Variants in CSN3 observed in about 807,000 individuals in gnomAD.
CSN3 encodes casein kappa, also known as kappa-casein.
CSN3 carries 7 observed loss-of-function variants against 9.9 expected under a neutral mutation model. The observed-to-expected ratio is 0.71, with a 90% CI of 0.40 to 1.33. The LOEUF is 1.33. CSN3 is among the 40% of genes most tolerant of loss of function. The probability of loss-of-function intolerance (pLI) is 0.01; values close to 1 mark genes in which losing one functional copy is unlikely to be tolerated. For synonymous variants in CSN3, 88 were observed against 82.3 expected (o/e 1.07, Z -0.37); for missense variants, 253 against 227.9 (o/e 1.11, Z -0.71).
upstream of CSN3, among the ~76,000 whole-genome samples, chr4:70,240,450 A>G (rs1268642585): frequency 6.6e-6 from 1 of 151,932 alleles, no homozygotes; most frequent in Non-Finnish European, 1.5e-5. Context: ...ATGGATGCAT[A>G]AGTAGATAAA....
At chr4:70,246,984 T>C (rs1730390655) in intron 2 of CSN3, among the ~76,000 whole-genome samples, 1 of 152,108 alleles carries the variant, frequency 6.6e-6, no homozygotes, top group African/African-American at 2.4e-5. Flanking sequence ...ATTACTTCTT[T>C]ACATTTTAAA....
chr4:70,246,140 C>G (rs1296007698), intron 2 of CSN3, among the ~76,000 whole-genome samples: 1 of 152,038 alleles, frequency 6.6e-6, no homozygotes, highest in African/African-American at 2.4e-5. Context: ...ATTAAAACAT[C>G]AATGTGATAC....
At chr4:70,250,259 G>C (rs1287442685) in intron 4 of CSN3, among the ~76,000 whole-genome samples, 1 of 151,890 alleles carries the variant, frequency 6.6e-6, no homozygotes, top group African/African-American at 2.4e-5. Context: ...AAATAATTTG[G>C]GGAGAAAGTT....
At chr4:70,240,247 G>A (rs1435835077), upstream of CSN3, among the ~76,000 whole-genome samples, 1 of 151,318 alleles carries the variant, frequency 6.6e-6, no homozygotes, top group Non-Finnish European at 1.5e-5. Context: ...AAATGTTTTT[G>A]TTTACAATGC....
intron 2 of CSN3, among the ~76,000 whole-genome samples, chr4:70,246,352 G>A (rs1318989305): frequency 9.9e-5 from 15 of 151,994 alleles, no homozygotes; most frequent in East Asian, 5.8e-4. Context: ...AGGTATTAAC[G>A]AAAATTATTA....
upstream of CSN3, among the ~76,000 whole-genome samples, chr4:70,239,079 A>G (rs1156855130): frequency 1.3e-5 from 2 of 151,880 alleles, no homozygotes; most frequent in Non-Finnish European, 2.9e-5. Context: ...CATTAACTAG[A>G]AAGATATTAA....
At chr4:70,240,480 G>T, upstream of CSN3, among the ~76,000 whole-genome samples, 1 of 151,962 alleles carries the variant, frequency 6.6e-6, no homozygotes, top group East Asian at 1.9e-4. Flanking sequence ...ATTCGTTCCA[G>T]GTTATAAACA....
At chr4:70,243,495 G>A (rs948498632) in intron 1 of CSN3, among the ~76,000 whole-genome samples, 4 of 152,152 alleles carry the variant, frequency 2.6e-5, no homozygotes, top group African/African-American at 9.6e-5. Flanking sequence ...CACTTTAGTA[G>A]ACAGCCTTCC....
intron 4 of CSN3, 111 bp from the exon 5 acceptor site, chr4:70,251,151 A>G (rs1258387250): frequency 6.6e-6 from 1 of 152,156 alleles, no homozygotes; most frequent in East Asian, 1.9e-4. Flanking sequence ...AATCTGATTG[A>G]CTTATTGGAT....
intron 3 of CSN3, 56 bp downstream of exon 3, chr4:70,247,906 A>G: frequency 2.2e-6 from 3 of 1,364,108 alleles, no homozygotes; most frequent in Non-Finnish European, 3.0e-6. Context: ...TATATTCTGC[A>G]AAGGTCAATT....
upstream of CSN3, among the ~76,000 whole-genome samples, chr4:70,239,384 C>T (rs1270273133): frequency 6.6e-6 from 1 of 151,770 alleles, no homozygotes; most frequent in Non-Finnish European, 1.5e-5. Context: ...TGAATGGTAA[C>T]AAGAATGACA....
chr4:70,243,597 GAA>G (rs1274809381), intron 1 of CSN3, among the ~76,000 whole-genome samples: 1 of 151,796 alleles, frequency 6.6e-6, no homozygotes, highest in Non-Finnish European at 1.5e-5. Flanking sequence ...TCTTTTTTGC[GAA>G]GTTCAACTTT....
At chr4:70,245,417 G>T (rs573505416) in intron 2 of CSN3, among the ~76,000 whole-genome samples, 83 of 152,104 alleles carry the variant, frequency 5.5e-4, no homozygotes, top group Non-Finnish European at 1.1e-3. Flanking sequence ...TATGTCAATT[G>T]ACTGACCCCT....
chr4:70,251,393 T>C (rs572140328), exon 5 of CSN3: 1 of 152,334 alleles, frequency 6.6e-6, no homozygotes, highest in African/African-American at 2.4e-5. Flanking sequence ...ACATTCAATA[T>C]TTTGATTCTT....
intron 4 of CSN3, among the ~76,000 whole-genome samples, chr4:70,250,133 T>A (rs1052441891): frequency 1.3e-5 from 2 of 152,222 alleles, no homozygotes; most frequent in Non-Finnish European, 2.9e-5. Context: ...TGCAAAGTGT[T>A]ACTATTTATT....
At chr4:70,241,855 G>A (rs1185179080), upstream of CSN3, among the ~76,000 whole-genome samples, 1 of 151,958 alleles carries the variant, frequency 6.6e-6, no homozygotes, top group African/African-American at 2.4e-5. Context: ...AAAATGTGCT[G>A]CAGCCCAAAC....
chr4:70,249,097 T>C, exon 4 of CSN3: 1 of 1,614,030 alleles, frequency 6.2e-7, no homozygotes, highest in African/African-American at 1.3e-5. Context: ...AACCAATTTG[T>C]ACCAACGTAG....
exon 4 of CSN3, chr4:70,249,090 C>T (rs565196350): frequency 6.2e-7 from 1 of 1,613,790 alleles, no homozygotes; most frequent in Non-Finnish European, 8.5e-7. Context: ...ATTATGGAAC[C>T]AATTTGTACC....
At chr4:70,246,527 G>A (rs1730380440) in intron 2 of CSN3, among the ~76,000 whole-genome samples, 2 of 151,708 alleles carry the variant, frequency 1.3e-5, no homozygotes, top group Non-Finnish European at 2.9e-5. Context: ...ATAAAAAAAA[G>A]AGACACCACA....
Sources: gnomAD v4.1 joint callset for allele counts (sites outside exome capture counted in the v4.1 genomes callset) on GRCh38, gnomAD v4.1.1 for gene constraint, MANE v1.5 for transcripts, NCBI Gene and HGNC (gene_info 2026-07-23, HGNC 2026-07-21) for gene names.